INVS: variants seen among roughly 807,000 people sequenced by gnomAD.
INVS encodes the protein inversion of embryo turning homolog.
A neutral mutation model predicts 108.8 loss-of-function variants in INVS; 86 were observed. The observed-to-expected ratio is 0.79, with a 90% CI of 0.66 to 0.95. The LOEUF is 0.95. Among genes scored for constraint, INVS ranks in the 40% least tolerant of loss-of-function variants. The pLI is 0.00. For synonymous variants in INVS, 455 were observed against 473.5 expected, an observed-to-expected ratio of 0.96 and a Z score of 0.51; for missense variants, 1,169 against 1,297.4, an observed-to-expected ratio of 0.90 and a Z score of 1.52.
chr9:100,131,804 T>C, intron 3 of INVS: 2 of 473,732 alleles, frequency 4.2e-6, no homozygotes, highest in Non-Finnish European at 5.5e-6. Context: ...TGTGGCTGCA[T>C]TGTCCTTTTT....
chr9:100,173,489 A>T (rs1829611277), intron 3 of INVS, among the ~76,000 whole-genome samples: 1 of 152,184 alleles, frequency 6.6e-6, no homozygotes, highest in African/African-American at 2.4e-5. Flanking sequence ...GCACTTTGGG[A>T]GGCCAAGGCA....
intron 10 of INVS, among the ~76,000 whole-genome samples, chr9:100,253,960 T>G (rs993435074): frequency 7.9e-5 from 12 of 152,200 alleles, no homozygotes; most frequent in African/African-American, 2.2e-4. Flanking sequence ...CAAATGGTAT[T>G]TCTAGTTCTA....
intron 13 of INVS, among the ~76,000 whole-genome samples, chr9:100,284,923 G>A (rs1295889039): frequency 1.3e-5 from 2 of 151,998 alleles, no homozygotes; most frequent in African/African-American, 2.4e-5. Flanking sequence ...CTTAGGTATC[G>A]GATGGTGTTA....
intron 3 of INVS, among the ~76,000 whole-genome samples, chr9:100,145,936 T>C (rs558229192): frequency 6.6e-6 from 1 of 151,582 alleles, no homozygotes; most frequent in Admixed American, 6.6e-5. Context: ...GTGAGAGAGG[T>C]TGGAGAAGAG....
intron 3 of INVS, among the ~76,000 whole-genome samples, chr9:100,152,686 T>G (rs532205277): frequency 6.6e-6 from 1 of 152,334 alleles, no homozygotes; most frequent in East Asian, 1.9e-4. Flanking sequence ...CAAAGTATTT[T>G]AAATTCAACC....
At chr9:100,157,742 ACAATTCCTTG>A (rs1391503671) in intron 3 of INVS, among the ~76,000 whole-genome samples, 2 of 152,206 alleles carry the variant, frequency 1.3e-5, no homozygotes. Context: ...TTCAATGGTG[ACAATTCCTTG>A]CAATTCCTGC....
In INVS at chr9:100,297,117, C is replaced by A. The variant is rs765472299; in HGVS notation, c.2987C>A (p.Thr996Asn). ...PSKGTSGTKS[T>N]KHSVLKQIYG... The stretch of plus-strand genomic sequence containing the variant: ...AAGGGCACCTCAGGCACAAAGTCCA[C>A]CAAGCACTCAGTGCTTAAGCAAATC... Residue 996 changes from threonine (T) to asparagine (N), a missense_variant, in exon 15 of 17, where the codon ACC becomes AAC. Thr to Asn is a moderately conservative substitution (Grantham distance 65). Transcript: ENST00000262457. 8.1e-6 allele frequency: 13 copies of A among 1,613,968 alleles called. No individual in the cohort carries two copies. The highest frequency in any genetic ancestry group is 1.1e-5 in the Non-Finnish European group (13 of 1,180,006).
Position 100,161,230 on chromosome 9 carries a change from G to C in INVS, c.273+34681G>C, listed in dbSNP as rs1366102474. Among the ~76,000 whole-genome samples, 2 of 151,530 alleles carry C rather than the reference G, an allele frequency of 1.3e-5. 1 individual carries two copies. The highest frequency in any genetic ancestry group is 2.9e-5 in the Non-Finnish European group (2 of 67,932). On this transcript the variant is annotated intron_variant, in intron 3 of 16. Coordinates refer to ENST00000262457, the MANE Select transcript of INVS (RefSeq NM_014425.5). ...ATCTGTACCAAAAATACAAAAATTA[G>C]CTGGGTGTGGTGGTGGGCACCTGTA...
intron 16 of INVS, 179 bp downstream of exon 16, chr9:100,298,189 T>G: frequency 6.6e-7 from 1 of 1,512,036 alleles, no homozygotes; most frequent in Non-Finnish European, 8.8e-7. Context: ...CAAATTATTT[T>G]CACAACTAAA....
At position 100,243,953 on chromosome 9, in the gene INVS, A is replaced by G. The variant is rs1299766728; in HGVS notation, c.906+1274A>G. ...TTGAACCTAGGAGGCGGAGGTTGCAATGAGCCAGGATAGCGCCACTATACT... is the reference window on the plus strand; with the variant it reads ...TTGAACCTAGGAGGCGGAGGTTGCAGTGAGCCAGGATAGCGCCACTATACT... On this transcript the variant is annotated intron_variant, in intron 7 of 16. Coordinates refer to ENST00000262457, the MANE Select transcript of INVS (RefSeq NM_014425.5). Among the ~76,000 whole-genome samples the G allele has an allele frequency of 2.0e-5, 3 of 152,144 alleles. No individual in the cohort carries two copies. The East Asian group carries it at 5.8e-4, about 29-fold the overall frequency.
chr9:100,251,239 A>G (rs1233081292), intron 8 of INVS, among the ~76,000 whole-genome samples: 1 of 152,124 alleles, frequency 6.6e-6, no homozygotes, highest in African/African-American at 2.4e-5. Flanking sequence ...ATTCTTTGCT[A>G]AACACCCAGC....
chr9:100,295,266 CA>C (rs1833755936), intron 14 of INVS, among the ~76,000 whole-genome samples: 1 of 152,122 alleles, frequency 6.6e-6, no homozygotes, highest in Admixed American at 6.6e-5. Context: ...AGCCTTCAGT[CA>C]TTCCCCCAAG....
chr9:100,209,321 G>A (rs1368528171), intron 3 of INVS, among the ~76,000 whole-genome samples: 1 of 152,184 alleles, frequency 6.6e-6, no homozygotes, highest in Non-Finnish European at 1.5e-5. Flanking sequence ...GAATCATAGA[G>A]TCAAAGGACA....
At chr9:100,122,793 C>A (rs933874617) in intron 2 of INVS, among the ~76,000 whole-genome samples, 3 of 151,748 alleles carry the variant, frequency 2.0e-5, no homozygotes, top group African/African-American at 7.3e-5. Context: ...ACCATGTTAG[C>A]CAGGATGGTC....
chr9:100,275,096 G>A (rs1278371466), intron 12 of INVS, among the ~76,000 whole-genome samples: 2 of 152,132 alleles, frequency 1.3e-5, no homozygotes, highest in South Asian at 2.1e-4. Flanking sequence ...ATACTATGTT[G>A]TACTCTTCTC....
At chr9:100,179,265 C>T (rs1829810125) in intron 3 of INVS, among the ~76,000 whole-genome samples, 1 of 152,134 alleles carries the variant, frequency 6.6e-6, no homozygotes, top group Non-Finnish European at 1.5e-5. Context: ...ATCACAATGA[C>T]AGGATCAAAT....
intron 6 of INVS, among the ~76,000 whole-genome samples, chr9:100,240,833 CGTTTT>C (rs979587294): frequency 1.5e-4 from 22 of 151,596 alleles, no homozygotes; most frequent in Admixed American, 1.2e-3. Flanking sequence ...TTCAGCTTAA[CGTTTT>C]GTTTTGTTTT....
intron 12 of INVS, 93 bp downstream of exon 12, chr9:100,273,169 A>C: frequency 1.1e-6 from 1 of 896,308 alleles, no homozygotes; most frequent in Non-Finnish European, 1.9e-6. Context: ...GGAGAGGGAA[A>C]CAGATGAGAA....
At chr9:100,268,506 C>T (rs1832858992) in intron 11 of INVS, among the ~76,000 whole-genome samples, 1 of 152,100 alleles carries the variant, frequency 6.6e-6, no homozygotes, top group Admixed American at 6.5e-5. Context: ...TCGTAGCCCT[C>T]ACTCAAGATG....
Sources: gnomAD v4.1 joint callset for allele counts (sites outside exome capture counted in the v4.1 genomes callset) on GRCh38, gnomAD v4.1.1 for gene constraint, MANE v1.5 for transcripts, NCBI Gene and HGNC (gene_info 2026-07-23, HGNC 2026-07-21) for gene names.